Variants in FGF14 observed in about 807,000 individuals in gnomAD.
FGF14 encodes fibroblast growth factor 14.
Under a neutral mutation model 25.5 loss-of-function variants are expected in FGF14, and 5 were observed. That is an observed-to-expected ratio of 0.20 (90% confidence interval 0.10 to 0.41). FGF14 has a LOEUF of 0.41. Ranked by LOEUF, FGF14 falls within the 10% of genes least tolerant of loss-of-function variation. FGF14 has a pLI of 1.00. For synonymous variants in FGF14, 138 were observed against 118.3 expected, an observed-to-expected ratio of 1.17 and a Z score of -1.08; for missense variants, 222 against 320.1, an observed-to-expected ratio of 0.69 and a Z score of 2.34.
rs1397941939 is a variant in FGF14 at position 101,710,840 on chromosome 13, T to G, written c.*11991A>C. ...AATAGCGTTTTATTTCTTTACAAAT[T>G]TATAGCCAAGACAATAAATCACTCC... On this transcript the variant is annotated 3_prime_UTR_variant, in exon 5 of 5. Coordinates refer to ENST00000376143, the MANE Select transcript of FGF14 (RefSeq NM_004115.4). 2 of 152,134 alleles carry G rather than the reference T, an allele frequency of 1.3e-5. No individual in the cohort carries two copies. The highest frequency in any genetic ancestry group is 1.3e-4 in the Admixed American group (2 of 15,264). 9.4% of individuals were successfully genotyped at this position (152,134 alleles called of 1,614,324 possible). A position where few individuals can be genotyped will look rare whatever the true frequency, so the allele number is the denominator to read the frequency against.
chr13:101,798,900 G>A (rs1295692772), intron 3 of FGF14, among the ~76,000 whole-genome samples: 1 of 152,110 alleles, frequency 6.6e-6, no homozygotes, highest in East Asian at 1.9e-4. Context: ...CATGACATTT[G>A]CAAAATTCTG....
intron 1 of FGF14, among the ~76,000 whole-genome samples, chr13:102,251,752 T>C (rs1212508397): frequency 6.6e-6 from 1 of 152,124 alleles, no homozygotes; most frequent in Admixed American, 6.6e-5. Flanking sequence ...TGCCACACCC[T>C]TTACATGACT....
At chr13:102,172,674 A>G (rs981111632) in intron 1 of FGF14, among the ~76,000 whole-genome samples, 4 of 152,150 alleles carry the variant, frequency 2.6e-5, no homozygotes, top group Admixed American at 6.5e-5. Flanking sequence ...CACTCTCTTC[A>G]TACCTCGTTC....
intron 1 of FGF14, among the ~76,000 whole-genome samples, chr13:102,084,315 G>C (rs2043785783): frequency 6.6e-6 from 1 of 151,956 alleles, no homozygotes; most frequent in South Asian, 2.1e-4. Context: ...CTCCATTTTG[G>C]TAAGATGTTT....
chr13:101,949,097 A>G (rs2035995486), intron 1 of FGF14, among the ~76,000 whole-genome samples: 1 of 152,086 alleles, frequency 6.6e-6, no homozygotes, highest in Non-Finnish European at 1.5e-5. Context: ...AATGGCACAA[A>G]CCGCTTTCAC....
intron 1 of FGF14, among the ~76,000 whole-genome samples, chr13:102,370,914 C>A (rs2057862026): frequency 6.6e-6 from 1 of 150,830 alleles, no homozygotes; most frequent in Non-Finnish European, 1.5e-5. Context: ...TATTTTTTAT[C>A]CTCATACCTT....
intron 3 of FGF14, among the ~76,000 whole-genome samples, chr13:101,733,057 T>C (rs72660305): frequency 0.051 from 7,798 of 152,250 alleles, 247 homozygotes; most frequent in Non-Finnish European, 0.071. Flanking sequence ...ACTCTTAAGA[T>C]TACTTATAAA....
intron 1 of FGF14, among the ~76,000 whole-genome samples, chr13:102,015,533 C>A (rs112443160): frequency 6.6e-6 from 1 of 152,062 alleles, no homozygotes; most frequent in Non-Finnish European, 1.5e-5. Flanking sequence ...AAAGTAAATT[C>A]TTTTCAAGAA....
At chr13:102,170,237 GT>G (rs35449873) in intron 1 of FGF14, among the ~76,000 whole-genome samples, 17,013 of 151,848 alleles carry the variant, frequency 0.11, 2,179 homozygotes, top group East Asian at 0.7. Context: ...ATCGTTTTCT[GT>G]TTCAATAGAT....
intron 1 of FGF14, among the ~76,000 whole-genome samples, chr13:101,971,246 C>T (rs1386928206): frequency 6.6e-6 from 1 of 152,064 alleles, no homozygotes; most frequent in Non-Finnish European, 1.5e-5. Context: ...GTTTTTAAAG[C>T]TACATAACAC....
At chr13:102,096,061 T>C (rs1217157726) in intron 1 of FGF14, among the ~76,000 whole-genome samples, 2 of 150,950 alleles carry the variant, frequency 1.3e-5, no homozygotes, top group East Asian at 3.9e-4. Context: ...GTTTTGTATC[T>C]TATTCAAAGT....
At chr13:102,092,495 G>A (rs1012694862) in intron 1 of FGF14, among the ~76,000 whole-genome samples, 1 of 152,102 alleles carries the variant, frequency 6.6e-6, no homozygotes, top group Non-Finnish European at 1.5e-5. Flanking sequence ...GTCATCCCAT[G>A]GGTCTTCCAC....
intron 1 of FGF14, among the ~76,000 whole-genome samples, chr13:102,387,791 G>C (rs2058340521): frequency 6.6e-6 from 1 of 152,060 alleles, no homozygotes; most frequent in South Asian, 2.1e-4. Context: ...GAGTGCAGTG[G>C]CACAATCTCG....
rs560443158 is a variant in FGF14 at position 102,287,853 on chromosome 13, G to GA, written c.208+113617dup. Among the ~76,000 whole-genome samples the GA allele has an allele frequency of 3.2e-3, 483 of 152,302 alleles. 3 individuals are homozygous for GA. Among genetic ancestry groups the GA allele is most frequent in the African/African-American group, 0.011 (461 of 41,562 alleles). ...GTCTTCCCACTACCTAAGCACAGCAGAAACTCTCTAATCGTCTTCTTATTC... is the reference window on the plus strand; with the variant it reads ...GTCTTCCCACTACCTAAGCACAGCAGAAAACTCTCTAATCGTCTTCTTATTC... On this transcript the variant is annotated intron_variant, in intron 1 of 4. Coordinates refer to the FGF14 transcript ENST00000376131.
intron 1 of FGF14, among the ~76,000 whole-genome samples, chr13:102,258,701 G>T (rs1022378748): frequency 6.6e-6 from 1 of 152,200 alleles, no homozygotes. Flanking sequence ...CACCTGTTGT[G>T]CTGTGGGTAA....
upstream of FGF14, among the ~76,000 whole-genome samples, chr13:101,919,653 A>ACC (rs1350280490): frequency 6.6e-6 from 1 of 151,648 alleles, no homozygotes; most frequent in Non-Finnish European, 1.5e-5. Context: ...CCCCAGCCCT[A>ACC]CCTCTCCCAG....
rs115743155 is a variant in FGF14, at chr13:102,206,206, G to A, written c.208+195265C>T. Among the ~76,000 whole-genome samples the A allele has an allele frequency of 2.9e-3, 436 of 151,502 alleles. 4 individuals are homozygous for A. The highest frequency in any genetic ancestry group is 8.0e-3 in the African/African-American group (329 of 41,302). On this transcript the variant is annotated intron_variant, in intron 1 of 4. Coordinates refer to the FGF14 transcript ENST00000376131. The stretch of plus-strand genomic sequence containing the variant: ...CCTTTTCAGAGCAAGTTGGGTGTAC[G>A]GTAAAAATCTCATTCCTCGATGCAT...
chr13:102,389,605 A>G (rs2139222328), intron 1 of FGF14, among the ~76,000 whole-genome samples: 1 of 152,270 alleles, frequency 6.6e-6, no homozygotes. Context: ...AGGTTAGAGG[A>G]CAGATTTGTT....
intron 1 of FGF14, among the ~76,000 whole-genome samples, chr13:102,054,683 C>T (rs1192449520): frequency 2.0e-5 from 3 of 152,116 alleles, no homozygotes; most frequent in Non-Finnish European, 4.4e-5. Flanking sequence ...TACTATACAT[C>T]GCATCTGGAT....
Sources: gnomAD v4.1 joint callset for allele counts (sites outside exome capture counted in the v4.1 genomes callset) on GRCh38, gnomAD v4.1.1 for gene constraint, MANE v1.5 for transcripts, NCBI Gene and HGNC (gene_info 2026-07-23, HGNC 2026-07-21) for gene names.